Variants in CEP192 observed in about 807,000 individuals in gnomAD.
The protein encoded by CEP192 is centrosomal protein of 192 kDa.
Under a neutral mutation model 271.8 loss-of-function variants are expected in CEP192, and 151 were observed. That is an observed-to-expected ratio of 0.56 (90% CI 0.49 to 0.64). CEP192 has a LOEUF of 0.64. CEP192 is among the 30% of genes least tolerant of loss of function. CEP192 has a pLI of 0.00. For synonymous variants in CEP192, 995 were observed against 1,076.5 expected (o/e 0.92, Z 1.48); for missense variants, 2,910 against 3,020.5 (o/e 0.96, Z 0.86).
intron 11 of CEP192, among the ~76,000 whole-genome samples, chr18:13,031,662 A>G (rs2035639826): frequency 6.6e-6 from 1 of 152,146 alleles, no homozygotes; most frequent in African/African-American, 2.4e-5. Context: ...TAAATTAGGT[A>G]GTATGCCAGT....
intron 38 of CEP192, among the ~76,000 whole-genome samples, chr18:13,102,652 A>G (rs1242730864): frequency 1.3e-5 from 2 of 152,026 alleles, no homozygotes; most frequent in Non-Finnish European, 2.9e-5. Context: ...ACTTTGGAGG[A>G]CTTCTCCGTG....
chr18:13,053,582 T>C (rs2144084506), intron 18 of CEP192, among the ~76,000 whole-genome samples: 1 of 152,220 alleles, frequency 6.6e-6, no homozygotes, highest in East Asian at 1.9e-4. Flanking sequence ...TAGGGAGAAG[T>C]GTATGAGGCT....
At chr18:12,999,828 A>ATTTTTTTTT (rs36207281) in intron 2 of CEP192, among the ~76,000 whole-genome samples, 1 of 124,040 alleles carries the variant, frequency 8.1e-6, no homozygotes. Flanking sequence ...ATTTCGGTCT[A>ATTTTTTTTT]TTTTTTTTTT....
chr18:13,118,061 G>A lies in CEP192; in HGVS notation c.7475+418G>A, dbSNP rs1386625532. 2.6e-5 allele frequency among the ~76,000 whole-genome samples: 4 copies of A among 152,290 alleles called. No homozygotes were observed. In the South Asian group the frequency reaches 6.2e-4, roughly 24 times the overall value. On this transcript the variant is annotated intron_variant, in intron 44 of 44. Transcript: ENST00000506447. ...CGAGTTAATTGGGAAAACTTTTATT[G>A]TGGTGTTTTCCAGTTGCCATTCTTT...
chr18:13,008,555 G>C lies in CEP192; in HGVS notation c.390G>C (p.Glu130Asp). 6.4e-7 allele frequency: 1 copy of C among 1,551,642 alleles called. No individual in the cohort carries two copies. The highest frequency in any genetic ancestry group is 8.7e-7 in the Non-Finnish European group (1 of 1,146,926). The stretch of plus-strand genomic sequence containing the variant: ...AAATGGAGACAGCAGGACCAGAAGA[G>C]GAGCCAGCCGGAGCTACAGAATCCT... ...ALQMETAGPE[E>D]EPAGATESLQ... is the part of the protein sequence containing the mutation. Residue 130 changes from glutamate to aspartate, a missense_variant, in exon 4 of 45, where the codon GAG becomes GAC. Physicochemically the swap from Glu to Asp is conservative, Grantham distance 45. Coordinates refer to ENST00000506447, the MANE Select transcript of CEP192 (RefSeq NM_032142.4).
At chr18:13,046,574 T>C (rs2036493998) in intron 15 of CEP192, among the ~76,000 whole-genome samples, 1 of 151,962 alleles carries the variant, frequency 6.6e-6, no homozygotes, top group South Asian at 2.1e-4. Flanking sequence ...TATATTATTT[T>C]AATGATTACC....
chr18:13,086,264 A>C (rs1350816876), intron 30 of CEP192, among the ~76,000 whole-genome samples: 1 of 152,194 alleles, frequency 6.6e-6, no homozygotes, highest in Non-Finnish European at 1.5e-5. Context: ...TGCTTATCAG[A>C]TTAAGGAGAT....
chr18:13,029,389 T>C (rs545578985), intron 9 of CEP192, among the ~76,000 whole-genome samples: 4 of 152,244 alleles, frequency 2.6e-5, no homozygotes, highest in Non-Finnish European at 5.9e-5. Context: ...TATCATCCTG[T>C]AATGTAATGC....
At chr18:13,107,901 A>G (rs911264765) in intron 40 of CEP192, among the ~76,000 whole-genome samples, 2 of 145,038 alleles carry the variant, frequency 1.4e-5, no homozygotes, top group Admixed American at 6.9e-5. Context: ...AAAAAAAAAT[A>G]CTATAAGGCT....
At chr18:13,041,046 G>A (rs2143801930) in intron 14 of CEP192, 90 bp downstream of exon 14, 2 of 1,105,368 alleles carry the variant, frequency 1.8e-6, no homozygotes, top group East Asian at 2.4e-5. Context: ...TTCTTTATGA[G>A]TGAAAATGTA....
chr18:13,053,788 C>T (rs537823528), intron 18 of CEP192, among the ~76,000 whole-genome samples: 2 of 152,212 alleles, frequency 1.3e-5, no homozygotes, highest in African/African-American at 4.8e-5. Context: ...CCGCTGGTCT[C>T]AAGGGATCCT....
rs1018504082 is a variant in CEP192 at position 13,019,129 on chromosome 18, T to C, written c.973T>C (p.Leu325=). The change falls in exon 9 of 45, where the codon TTA becomes CTA. Residue 325 remains leucine (L), a synonymous_variant. Transcript: ENST00000506447. ...GDSRRYTDGM[L]PFSSGTWGTE... is the part of the protein sequence containing the mutation. ...TAGTAGAAGGTACACAGATGGTATGTTACCATTTTCCTCTGGTACTTGGGG... is the reference window on the plus strand; with the variant it reads ...TAGTAGAAGGTACACAGATGGTATGCTACCATTTTCCTCTGGTACTTGGGG... 2 of 1,544,732 alleles carry C rather than the reference T, an allele frequency of 1.3e-6. No individual in the cohort carries two copies. Among genetic ancestry groups the C allele is most frequent in the African/African-American group, 2.8e-5 (2 of 72,684 alleles).
rs2034835794 is a variant in CEP192, at chr18:13,019,131, A to G, written c.975A>G (p.Leu325=). 1 of 1,545,644 alleles carries G rather than the reference A, an allele frequency of 6.5e-7. No individual in the cohort carries two copies. Among genetic ancestry groups the G allele is most frequent in the Admixed American group, 2.0e-5 (1 of 49,904 alleles). The stretch of plus-strand genomic sequence containing the variant: ...GTAGAAGGTACACAGATGGTATGTT[A>G]CCATTTTCCTCTGGTACTTGGGGAA... ...GDSRRYTDGM[L]PFSSGTWGTE... The change falls in exon 9 of 45, where the codon TTA becomes TTG. Residue 325 remains leucine, a synonymous_variant. Transcript: ENST00000506447.
At chr18:13,106,339 C>G (rs2039944979) in intron 40 of CEP192, among the ~76,000 whole-genome samples, 1 of 151,968 alleles carries the variant, frequency 6.6e-6, no homozygotes. Flanking sequence ...CCATCATCTT[C>G]TGCACAATGT....
chr18:13,006,147 T>C (rs768117092), intron 3 of CEP192, among the ~76,000 whole-genome samples: 8 of 152,150 alleles, frequency 5.3e-5, no homozygotes, highest in Non-Finnish European at 1.2e-4. Context: ...GTTCTATATC[T>C]ACTTTTTTTT....
At chr18:13,108,592 CCGCAATG>C in intron 40 of CEP192, among the ~76,000 whole-genome samples, 1 of 152,284 alleles carries the variant, frequency 6.6e-6, no homozygotes, top group East Asian at 1.9e-4. Flanking sequence ...CAAATCAAAA[CCGCAATG>C]AGATACCATC....
chr18:12,999,383 G>C (rs2033465218), intron 1 of CEP192, 38 bp from the exon 2 acceptor site: 1 of 1,363,678 alleles, frequency 7.3e-7, no homozygotes, highest in Non-Finnish European at 9.8e-7. Flanking sequence ...ACATTTTATA[G>C]TAATATGTGA....
chr18:13,118,154 A>G (rs1462966614), intron 44 of CEP192, among the ~76,000 whole-genome samples: 1 of 152,142 alleles, frequency 6.6e-6, no homozygotes, highest in Non-Finnish European at 1.5e-5. Context: ...TCTTTTCTAT[A>G]TGATGCACAT....
At position 13,072,992 on chromosome 18, in the gene CEP192, C is replaced by T; in HGVS notation, c.5440-17C>T. On this transcript the variant is annotated splice_polypyrimidine_tract_variant and intron_variant, in intron 29 of 44. Coordinates refer to ENST00000506447, the MANE Select transcript of CEP192 (RefSeq NM_032142.4). Reference sequence around the variant, plus strand: ...CTACTGCTTTGTTTTATGCATTTAACTGTTTTTAAATTGTAGCTTCAGAAC... The same window carrying T: ...CTACTGCTTTGTTTTATGCATTTAATTGTTTTTAAATTGTAGCTTCAGAAC... The T allele has an allele frequency of 6.3e-7, 1 of 1,598,062 alleles. No individual in the cohort carries two copies. Among genetic ancestry groups the T allele is most frequent in the Non-Finnish European group, 8.5e-7 (1 of 1,172,458 alleles).
Sources: allele counts gnomAD v4.1 joint callset (sites outside exome capture counted in the v4.1 genomes callset), GRCh38; gene constraint gnomAD v4.1.1; transcripts MANE v1.5; gene names NCBI Gene and HGNC (gene_info 2026-07-23, HGNC 2026-07-21).